Variants in EPHA2 observed in about 807,000 individuals in gnomAD.
The protein encoded by EPHA2 is ephrin type-A receptor 2.
EPHA2 carries 54 observed loss-of-function variants against 104.9 expected under a neutral mutation model. The ratio of observed to expected loss-of-function variants is 0.51; its 90% CI spans 0.41 to 0.65. The LOEUF is 0.65. Ranked by LOEUF, EPHA2 falls within the 30% of genes least tolerant of loss-of-function variation. The pLI, the probability that EPHA2 is intolerant of heterozygous loss-of-function variation, is 0.00. For synonymous variants in EPHA2, 560 were observed against 559.1 expected, an observed-to-expected ratio of 1.00 and a Z score of -0.02; for missense variants, 1,117 against 1,369.5, an observed-to-expected ratio of 0.82 and a Z score of 2.91.
chr1:16,149,152 G>T, intron 2 of EPHA2, 105 bp from the exon 3 acceptor site: 1 of 1,262,692 alleles, frequency 7.9e-7, no homozygotes, highest in Non-Finnish European at 1.1e-6. Context: ...CGTGCTCTCC[G>T]GGTTCTACGG....
intron 3 of EPHA2, among the ~76,000 whole-genome samples, chr1:16,142,569 G>T (rs111667368): frequency 2.2e-4 from 34 of 151,900 alleles, no homozygotes; most frequent in African/African-American, 8.2e-4. Context: ...GTGGATGAAT[G>T]GATGGATGGG....
At chr1:16,129,362 G>C (rs116602887) in intron 16 of EPHA2, 72 bp downstream of exon 16, 12 of 1,489,562 alleles carry the variant, frequency 8.1e-6, no homozygotes, top group African/African-American at 2.8e-5. Flanking sequence ...GAAGAGGGCT[G>C]GGGGGGGCAT....
rs1421773662 is a variant in EPHA2, at chr1:16,135,220, C to A, written c.1429-31G>T. Reference sequence around the variant, plus strand: ...GGTGGGTGGCCGGCGGAGGAGCAGGCAGTGAGGGCAGGGCAGGGGCCTCGG... The same window carrying A: ...GGTGGGTGGCCGGCGGAGGAGCAGGAAGTGAGGGCAGGGCAGGGGCCTCGG... On this transcript the variant is annotated intron_variant, in intron 6 of 16. Coordinates refer to ENST00000358432, the MANE Select transcript of EPHA2 (RefSeq NM_004431.5). This position sits in a 1 kb window ranked among gnomAD's most constrained non-coding sequence, Gnocchi z 4.3. 6.2e-7 allele frequency: 1 copy of A among 1,612,592 alleles called. No homozygotes were observed. Among genetic ancestry groups the A allele is most frequent in the Non-Finnish European group, 8.5e-7 (1 of 1,179,828 alleles).
In EPHA2 at chr1:16,156,007, G is replaced by A. The variant is rs2025161830; in HGVS notation, c.-75C>T. On this transcript the variant is annotated 5_prime_UTR_variant, in exon 1 of 17. Transcript: ENST00000358432. The stretch of plus-strand genomic sequence containing the variant: ...ACCCGCACGCCTGCACGCCGGCCTC[G>A]GTGTCCGCTCCCGCCCGCCGGCCTG... The A allele has an allele frequency of 3.1e-6, 4 of 1,291,104 alleles. No individual in the cohort carries two copies. The highest frequency in any genetic ancestry group is 4.1e-6 in the Non-Finnish European group (4 of 987,580). The allele number at this position is 1,291,104 out of a possible 1,614,324, so 80.0% of individuals were successfully genotyped here. A position where few individuals can be genotyped will look rare whatever the true frequency, so the allele number is the denominator to read the frequency against.
rs564612189 is a variant in EPHA2, at chr1:16,134,336, G to A, written c.1682+132C>T. ...TACACACTCTAACTCGTATATCCTC[G>A]CACCATCCGGAGGCAGGGATTAGAC... On this transcript the variant is annotated intron_variant, in intron 8 of 16. Transcript: ENST00000358432. The surrounding 1 kb of genome is among the most constrained non-coding windows in gnomAD (Gnocchi z 4.5). 10 of 1,035,706 alleles carry A rather than the reference G, an allele frequency of 9.7e-6. No individual in the cohort carries two copies. Among genetic ancestry groups the A allele is most frequent in the East Asian group, 2.6e-5 (1 of 38,508 alleles). 64.2% of individuals were successfully genotyped at this position (1,035,706 alleles called of 1,614,324 possible). A position where few individuals can be genotyped will look rare whatever the true frequency, so the allele number is the denominator to read the frequency against.
At chr1:16,144,039 A>G (rs1356606179) in intron 3 of EPHA2, among the ~76,000 whole-genome samples, 1 of 152,060 alleles carries the variant, frequency 6.6e-6, no homozygotes, top group East Asian at 1.9e-4. Context: ...TCCCCACCTC[A>G]GCCCCCGCCT....
At chr1:16,136,731 G>GAAGAAGAAC (rs2024710894) in intron 5 of EPHA2, among the ~76,000 whole-genome samples, 1 of 146,926 alleles carries the variant, frequency 6.8e-6, no homozygotes, top group Non-Finnish European at 1.5e-5. Context: ...AGAAGAAGAA[G>GAAGAAGAAC]AAGAAGAAGA....
At chr1:16,147,695 G>C (rs1044417850) in intron 3 of EPHA2, among the ~76,000 whole-genome samples, 1 of 150,522 alleles carries the variant, frequency 6.6e-6, no homozygotes, top group African/African-American at 2.5e-5. Context: ...GCCACCCTAC[G>C]AGATAGACGC....
At position 16,132,439 on chromosome 1, in the gene EPHA2, T is replaced by G; in HGVS notation, c.2054A>C (p.Tyr685Ser). 2 of 1,613,784 alleles carry G rather than the reference T, an allele frequency of 1.2e-6. No individual in the cohort carries two copies. Among genetic ancestry groups the G allele is most frequent in the South Asian group, 2.2e-5 (2 of 91,056 alleles). The change falls in exon 12 of 17, where the codon TAC (tyrosine) becomes TCC (serine). Residue 685 changes from tyrosine (Y) to serine (S), a missense_variant and splice_region_variant. This residue lies in a region of EPHA2 where 340 missense variants were observed against 480.5 expected (regional missense o/e 0.71). Coordinates refer to ENST00000358432, the MANE Select transcript of EPHA2 (RefSeq NM_004431.5). Reference protein sequence around the residue: ...IIRLEGVISKYKPMMIITEYM... With the variant: ...IIRLEGVISKSKPMMIITEYM... ...CTCAGTGATGATCATCATGGGCTTG[T>G]CTGTAGGGGGGTGGGCACAGGTGAG...
chr1:16,146,960 T>G (rs1407912344), intron 3 of EPHA2, among the ~76,000 whole-genome samples: 2 of 152,210 alleles, frequency 1.3e-5, no homozygotes, highest in East Asian at 1.9e-4. Context: ...ACGCAGCCAC[T>G]AAACCTCCAA....
intron 3 of EPHA2, among the ~76,000 whole-genome samples, chr1:16,145,201 C>T (rs547951750): frequency 2.6e-5 from 4 of 152,184 alleles, no homozygotes; most frequent in Non-Finnish European, 5.9e-5. Flanking sequence ...GCACAGGAAG[C>T]GGAGACATGG....
rs116655521 is a variant in EPHA2, at chr1:16,150,186, C to T, written c.153+710G>A. ...CTCTGGGAACTATTCCAAGTAGCCC[C>T]TGGGAGACAGCCCCCTTTCTCAGCT... On this transcript the variant is annotated intron_variant, in intron 2 of 16. Coordinates refer to ENST00000358432, the MANE Select transcript of EPHA2 (RefSeq NM_004431.5). The surrounding 1 kb of genome is among the most constrained non-coding windows in gnomAD (Gnocchi z 4.8). Among the ~76,000 whole-genome samples, 1,063 of 152,268 alleles carry T rather than the reference C, an allele frequency of 7.0e-3. 12 individuals are homozygous for T. The highest frequency in any genetic ancestry group is 0.025 in the African/African-American group (1,024 of 41,542).
intron 1 of EPHA2, among the ~76,000 whole-genome samples, chr1:16,153,610 T>C (rs2025088663): frequency 6.6e-6 from 1 of 152,206 alleles, no homozygotes; most frequent in South Asian, 2.1e-4. Context: ...TGCTCAGGTC[T>C]GGTCCTCTGT....
intron 2 of EPHA2, 52 bp from the exon 3 acceptor site, chr1:16,149,099 G>A (rs1247374400): frequency 1.9e-6 from 3 of 1,588,924 alleles, no homozygotes; most frequent in Non-Finnish European, 2.6e-6. Context: ...GGAAACTGAG[G>A]CCCAGGTGGC....
At chr1:16,143,989 C>T (rs2024879639) in intron 3 of EPHA2, among the ~76,000 whole-genome samples, 1 of 152,162 alleles carries the variant, frequency 6.6e-6, no homozygotes, top group African/African-American at 2.4e-5. Flanking sequence ...CCCTAGGGAG[C>T]TATCTGCAGG....
rs1438084624 is a variant in EPHA2 at position 16,155,963 on chromosome 1, C to A, written c.-31G>T. ...GCTTCTCGCTCTCGGTCCGATCCCC[C>A]CGAGCCCGGCTCCCGCACACCCGCA... is the stretch of plus-strand genomic sequence containing the variant. On this transcript the variant is annotated 5_prime_UTR_variant, in exon 1 of 17. Transcript: ENST00000358432. The A allele has an allele frequency of 2.7e-6, 4 of 1,471,066 alleles. No homozygotes were observed. Among genetic ancestry groups the A allele is most frequent in the South Asian group, 2.6e-5 (2 of 77,672 alleles). The allele number at this position is 1,471,066 out of a possible 1,614,324, so 91.1% of individuals were successfully genotyped here.
At chr1:16,142,058 G>C (rs1411945213) in intron 3 of EPHA2, among the ~76,000 whole-genome samples, 2 of 151,986 alleles carry the variant, frequency 1.3e-5, no homozygotes, top group Non-Finnish European at 2.9e-5. Context: ...TGGGGACAGG[G>C]GTCACACACA....
chr1:16,133,967 C>T (rs1406908863), intron 8 of EPHA2, 52 bp from the exon 9 acceptor site: 3 of 1,539,096 alleles, frequency 1.9e-6, no homozygotes, highest in Non-Finnish European at 2.6e-6. Flanking sequence ...GAGGTCTGCT[C>T]CGGCCAGGGA....
intron 3 of EPHA2, among the ~76,000 whole-genome samples, chr1:16,145,336 C>T (rs1371621066): frequency 6.6e-6 from 1 of 152,234 alleles, no homozygotes; most frequent in African/African-American, 2.4e-5. Context: ...TTCATGGGAG[C>T]GCTCCGGGCA....
Sources: allele counts gnomAD v4.1 joint callset (sites outside exome capture counted in the v4.1 genomes callset), GRCh38; gene constraint gnomAD v4.1.1; regional missense constraint gnomAD v4.1.1; non-coding constraint Gnocchi (gnomAD v3.1); transcripts MANE v1.5; gene names NCBI Gene and HGNC (gene_info 2026-07-23, HGNC 2026-07-21).